The following STXBP2 variants were observed in gnomAD, a reference collection of about 807,000 sequenced individuals.
The protein encoded by STXBP2 is syntaxin-binding protein 2.
A neutral mutation model predicts 72.2 loss-of-function variants in STXBP2; 47 were observed. The observed-to-expected ratio is 0.65, with a 90% CI of 0.51 to 0.83. The LOEUF is 0.83. Ranked by LOEUF, STXBP2 falls within the 40% of genes least tolerant of loss-of-function variation. STXBP2 has a pLI of 0.00. For synonymous variants in STXBP2, 367 were observed against 338.7 expected, an observed-to-expected ratio of 1.08 and a Z score of -0.92; for missense variants, 702 against 807.6, an observed-to-expected ratio of 0.87 and a Z score of 1.58.
chr19:7,641,714 C>T lies in STXBP2; in HGVS notation c.439C>T (p.Leu147Phe). 6.4e-7 allele frequency: 1 copy of T among 1,553,978 alleles called. No homozygotes were observed. Among genetic ancestry groups the T allele is most frequent in the Non-Finnish European group, 8.7e-7 (1 of 1,149,070 alleles). The change falls in exon 7 of 19, where the codon CTC (leucine) becomes TTC (phenylalanine). Residue 147 changes from leucine (L) to phenylalanine (F), a missense_variant. Leu to Phe is a conservative substitution (Grantham distance 22). Transcript: ENST00000221283. ...TCCCCTCCTCGCCCAGGTGTTCTCC[C>T]TCGATGCTCCCCACAGCACCTACAA... is the stretch of plus-strand genomic sequence containing the variant. ...FLPYEAQVFSLDAPHSTYNLY... is the reference protein window; with the variant it reads ...FLPYEAQVFSFDAPHSTYNLY...
At chr19:7,641,628 A>T in intron 6 of STXBP2, 77 bp from the exon 7 acceptor site, 1 of 1,540,162 alleles carries the variant, frequency 6.5e-7, no homozygotes, top group Non-Finnish European at 8.8e-7. Context: ...CAGGAGGTGC[A>T]GGTGGCGGCA....
chr19:7,644,964 T>C (rs112032525), intron 14 of STXBP2: 26 of 1,447,946 alleles, frequency 1.8e-5, no homozygotes, highest in Non-Finnish European at 2.4e-5. Context: ...GTAGAAACCC[T>C]CACATCTGTG....
chr19:7,639,001 G>T lies in STXBP2; in HGVS notation c.88-18G>T. 1 of 1,613,944 alleles carries T rather than the reference G, an allele frequency of 6.2e-7. No individual in the cohort carries two copies. Among genetic ancestry groups the T allele is most frequent in the Non-Finnish European group, 8.5e-7 (1 of 1,179,858 alleles). On this transcript the variant is annotated intron_variant, in intron 2 of 18. Coordinates refer to ENST00000221283, the MANE Select transcript of STXBP2 (RefSeq NM_006949.4). ...CTTCCGCCTGCTCCTCCATCCATCT[G>T]TCCATCCATCTGGACAGGTGCTTAT...
intron 14 of STXBP2, 33 bp downstream of exon 14, chr19:7,644,785 C>G (rs1413769882): frequency 6.2e-7 from 1 of 1,613,116 alleles, no homozygotes; most frequent in South Asian, 1.1e-5. Context: ...TGGAACGTCC[C>G]CATTTGCCAG....
intron 4 of STXBP2, 189 bp downstream of exon 4, chr19:7,639,996 G>A: frequency 1.4e-6 from 1 of 724,976 alleles, no homozygotes; most frequent in Non-Finnish European, 2.4e-6. Context: ...GTTTGCATGT[G>A]TGTCTATGTA....
the STXBP2 span, chr19:7,630,626 C>T: frequency 1.3e-6 from 2 of 1,537,094 alleles, no homozygotes; most frequent in Non-Finnish European, 8.7e-7. Context: ...CCAATCAGGC[C>T]GAGTGGTTTG....
chr19:7,636,964 A>T (rs1599385725), upstream of STXBP2: 1 of 523,280 alleles, frequency 1.9e-6, no homozygotes, highest in Non-Finnish European at 2.9e-6. Flanking sequence ...GCGCGGACGC[A>T]CCTGCCCGTC....
the STXBP2 span, chr19:7,630,590 T>C: frequency 6.5e-7 from 1 of 1,537,038 alleles, no homozygotes; most frequent in Non-Finnish European, 8.7e-7. Context: ...TCTACCTCAC[T>C]TTCCCTGTGG....
upstream of STXBP2, chr19:7,632,400 C>A: frequency 6.2e-7 from 1 of 1,613,928 alleles, no homozygotes. The surrounding 1 kb of genome is among the most constrained non-coding windows in gnomAD (Gnocchi z 5.2). Flanking sequence ...TACCTTGGAC[C>A]CCACGGGCTG....
At chr19:7,646,386 CG>C in intron 16 of STXBP2, 42 bp downstream of exon 16, 1 of 1,535,824 alleles carries the variant, frequency 6.5e-7, no homozygotes, top group Non-Finnish European at 8.9e-7. Flanking sequence ...CCCTCCGCAT[CG>C]GCTGGCGGCT....
In STXBP2 at chr19:7,639,769, A is replaced by G. The variant is rs781116703; in HGVS notation, c.208A>G (p.Ser70Gly). Residue 70 changes from serine to glycine, a missense_variant, in exon 4 of 19, where the codon AGT (serine) becomes GGT (glycine). Coordinates refer to ENST00000221283, the MANE Select transcript of STXBP2 (RefSeq NM_006949.4). ...DINKRREPIP[S>G]LEAIYLLSPT... Reference sequence around the variant, plus strand: ...CAACAAACGGCGGGAACCCATTCCCAGTCTGGAGGCCATTTATTTGCTGAG... The same window carrying G: ...CAACAAACGGCGGGAACCCATTCCCGGTCTGGAGGCCATTTATTTGCTGAG... 6.2e-7 allele frequency: 1 copy of G among 1,613,794 alleles called. No individual in the cohort carries two copies. The highest frequency in any genetic ancestry group is 1.1e-5 in the South Asian group (1 of 91,058).
chr19:7,643,145 C>A lies in STXBP2; in HGVS notation c.1027-20C>A, dbSNP rs1255506227. The A allele has an allele frequency of 6.2e-7, 1 of 1,614,110 alleles. No individual in the cohort carries two copies. Among genetic ancestry groups the A allele is most frequent in the East Asian group, 2.2e-5 (1 of 44,890 alleles). The stretch of plus-strand genomic sequence containing the variant: ...GACTCAGCCTTTGTTATCCCCCAAC[C>A]CCCACCCTGCACCCTGCAGTATTCT... On this transcript the variant is annotated intron_variant, in intron 12 of 18. Transcript: ENST00000221283.
chr19:7,631,757 G>T, the STXBP2 span: 1 of 1,431,882 alleles, frequency 7.0e-7, no homozygotes. Context: ...GGGTCCTGAG[G>T]GGTGAGCAGG....
chr19:7,645,190 C>A lies in STXBP2; in HGVS notation c.1247-7C>A, dbSNP rs1273029642. 1.9e-6 allele frequency: 3 copies of A among 1,556,562 alleles called. No homozygotes were observed. Among genetic ancestry groups the A allele is most frequent in the African/African-American group, 1.4e-5 (1 of 73,356 alleles). ...CCGCCTCCACCCTGCCCATTCCCGT[C>A]CCCCAGGTGTGAGTGAGGAGAACCT... On this transcript the variant is annotated splice_region_variant and splice_polypyrimidine_tract_variant and intron_variant, in intron 14 of 18. Transcript: ENST00000221283.
chr19:7,641,867 C>T lies in STXBP2; in HGVS notation c.578+14C>T. On this transcript the variant is annotated intron_variant, in intron 7 of 18. Coordinates refer to ENST00000221283, the MANE Select transcript of STXBP2 (RefSeq NM_006949.4). ...CCGCTACCGCAAGTGGGGACCCCAC[C>T]CAGCCCCACCCCGATGCCGACCCCC... 1 of 1,502,940 alleles carries T rather than the reference C, an allele frequency of 6.7e-7. No individual in the cohort carries two copies. The highest frequency in any genetic ancestry group is 9.0e-7 in the Non-Finnish European group (1 of 1,114,404). 93.1% of individuals were successfully genotyped at this position (1,502,940 alleles called of 1,614,324 possible). A position where few individuals can be genotyped will look rare whatever the true frequency, so the allele number is the denominator to read the frequency against.
Position 7,642,612 on chromosome 19 carries a change from G to T in STXBP2, c.902+76G>T. ...GGTAGCGGCCTTGGGATCCCTGGCTGCTGCCAAGTCTTTGGCCCTCATGAG... is the reference window on the plus strand; with the variant it reads ...GGTAGCGGCCTTGGGATCCCTGGCTTCTGCCAAGTCTTTGGCCCTCATGAG... On this transcript the variant is annotated intron_variant, in intron 10 of 18. Transcript: ENST00000221283. This position sits in a 1 kb window ranked among gnomAD's most constrained non-coding sequence, Gnocchi z 6.0. 2 of 1,572,666 alleles carry T rather than the reference G, an allele frequency of 1.3e-6. No individual in the cohort carries two copies. Among genetic ancestry groups the T allele is most frequent in the Non-Finnish European group, 1.7e-6 (2 of 1,143,700 alleles).
In STXBP2 at chr19:7,639,068, A is replaced by G. The variant is rs1358641526; in HGVS notation, c.137A>G (p.Lys46Arg). The G allele has an allele frequency of 1.2e-6, 2 of 1,614,178 alleles. No homozygotes were observed. Among genetic ancestry groups the G allele is most frequent in the East Asian group, 2.2e-5 (1 of 44,874 alleles). Residue 46 changes from lysine to arginine, a missense_variant, in exon 3 of 19, where the codon AAA (lysine) becomes AGA (arginine). Transcript: ENST00000221283. ...ATGCGCATCTTGTCTTCCTGCTGCAAAATGTCAGATATCCTGGCTGAGGGC... is the reference window on the plus strand; with the variant it reads ...ATGCGCATCTTGTCTTCCTGCTGCAGAATGTCAGATATCCTGGCTGAGGGC... ...PSMRILSSCC[K>R]MSDILAEGIT...
intron 2 of STXBP2, 58 bp from the exon 3 acceptor site, chr19:7,638,961 G>C: frequency 6.2e-7 from 1 of 1,606,716 alleles, no homozygotes. Context: ...CCCCTTCTGG[G>C]GCCAGCTGTG....
rs2031845324 is a variant in STXBP2, at chr19:7,640,909, AGCCCCTGTTC to A, written c.336_345del (p.Pro113ValfsTer3). 6.2e-7 allele frequency: 1 copy of A among 1,614,180 alleles called. No homozygotes were observed. Among genetic ancestry groups the A allele is most frequent in the Admixed American group, 1.7e-5 (1 of 60,020 alleles). On this transcript the variant is annotated frameshift_variant, in exon 6 of 19. Coordinates refer to ENST00000221283, the MANE Select transcript of STXBP2 (RefSeq NM_006949.4). LOFTEE classifies it high-confidence loss of function. The stretch of plus-strand genomic sequence containing the variant: ...TCCTGCCTCACCCCAGCCTGCCCCG[AGCCCCTGTTC>A]AGTGAGCTAGGCCGCTCTCGTCTGG...
Sources: allele counts gnomAD v4.1 joint callset, GRCh38; gene constraint gnomAD v4.1.1; non-coding constraint Gnocchi (gnomAD v3.1); transcripts MANE v1.5; gene names NCBI Gene and HGNC (gene_info 2026-07-23, HGNC 2026-07-21).